The following B3GALT1 variants were observed in gnomAD, a reference collection of about 807,000 sequenced individuals.
The protein encoded by B3GALT1 is beta-1,3-galactosyltransferase 1.
Under a neutral mutation model 23.2 loss-of-function variants are expected in B3GALT1, and 10 were observed. That is an observed-to-expected ratio of 0.43 (90% CI 0.27 to 0.73). The LOEUF (loss-of-function observed/expected upper bound fraction) is 0.73, where lower values mean the gene tolerates loss of function less well. Ranked by LOEUF, B3GALT1 falls within the 30% of genes least tolerant of loss-of-function variation. The probability of loss-of-function intolerance (pLI) is 0.21; values close to 1 mark genes in which losing one functional copy is unlikely to be tolerated. For missense variants in B3GALT1, 299 were observed against 405.4 expected, an observed-to-expected ratio of 0.74 and a Z score of 2.25; for synonymous variants, 156 against 141.5, an observed-to-expected ratio of 1.10 and a Z score of -0.73.
chr2:167,310,858 A>G (rs1283052302), intron 1 of B3GALT1, among the ~76,000 whole-genome samples: 2 of 152,030 alleles, frequency 1.3e-5, no homozygotes, highest in East Asian at 3.9e-4. Flanking sequence ...AGTTGTGTTC[A>G]AGCACTTCTG....
At chr2:167,706,652 T>C (rs1304661297) in intron 3 of B3GALT1, among the ~76,000 whole-genome samples, 1 of 152,164 alleles carries the variant, frequency 6.6e-6, no homozygotes, top group African/African-American at 2.4e-5. Flanking sequence ...TAAAAGTGCA[T>C]GTAGGTGGTA....
At chr2:167,528,157 G>A (rs1332972092) in intron 2 of B3GALT1, among the ~76,000 whole-genome samples, 2 of 152,132 alleles carry the variant, frequency 1.3e-5, no homozygotes, top group Non-Finnish European at 2.9e-5. Context: ...GGCCCAATGA[G>A]ACAGACATGA....
chr2:167,447,966 G>A (rs1021946713), intron 1 of B3GALT1, among the ~76,000 whole-genome samples: 1 of 152,132 alleles, frequency 6.6e-6, no homozygotes, highest in Non-Finnish European at 1.5e-5. Context: ...GACTGGAGCT[G>A]TTCCTATTCG....
At chr2:167,452,251 A>C (rs953135527) in intron 1 of B3GALT1, among the ~76,000 whole-genome samples, 2 of 152,034 alleles carry the variant, frequency 1.3e-5, no homozygotes, top group African/African-American at 4.8e-5. Flanking sequence ...TACAAAGTTC[A>C]GCTGGAAGTT....
intron 3 of B3GALT1, among the ~76,000 whole-genome samples, chr2:167,786,144 G>A (rs753977080): frequency 1.3e-5 from 2 of 152,176 alleles, no homozygotes; most frequent in Non-Finnish European, 2.9e-5. Flanking sequence ...CAAAAGATCT[G>A]TTGACCCTAG....
intron 1 of B3GALT1, among the ~76,000 whole-genome samples, chr2:167,409,261 G>C (rs1698356377): frequency 6.6e-6 from 1 of 152,060 alleles, no homozygotes; most frequent in Non-Finnish European, 1.5e-5. Context: ...TATCTTACTG[G>C]TGTTCTCTAT....
chr2:167,817,717 C>G (rs1167469558), intron 3 of B3GALT1, among the ~76,000 whole-genome samples: 1 of 152,200 alleles, frequency 6.6e-6, no homozygotes, highest in Admixed American at 6.5e-5. Flanking sequence ...GGACCCATCA[C>G]ATTTCAGTCA....
chr2:167,624,076 A>G (rs1685303039), intron 2 of B3GALT1, among the ~76,000 whole-genome samples: 1 of 152,064 alleles, frequency 6.6e-6, no homozygotes, highest in Non-Finnish European at 1.5e-5. Context: ...GTCAAGATTC[A>G]ATGGGCTAAG....
intron 2 of B3GALT1, among the ~76,000 whole-genome samples, chr2:167,628,862 T>C (rs993680573): frequency 4.0e-5 from 6 of 151,804 alleles, no homozygotes; most frequent in East Asian, 3.9e-4. Context: ...TGGTGATATG[T>C]CATATGATAA....
chr2:167,736,020 T>C (rs755971237), intron 3 of B3GALT1, among the ~76,000 whole-genome samples: 1 of 152,200 alleles, frequency 6.6e-6, no homozygotes, highest in Non-Finnish European at 1.5e-5. Context: ...AAGCAAACAA[T>C]ATTGATACCT....
chr2:167,444,326 C>A (rs1698946702), intron 1 of B3GALT1, among the ~76,000 whole-genome samples: 2 of 152,072 alleles, frequency 1.3e-5, no homozygotes, highest in African/African-American at 4.8e-5. Flanking sequence ...GCCTAAAATT[C>A]TCTTTTTTTG....
At chr2:167,546,463 A>G (rs778576810) in intron 2 of B3GALT1, among the ~76,000 whole-genome samples, 10 of 152,132 alleles carry the variant, frequency 6.6e-5, no homozygotes, top group Non-Finnish European at 1.3e-4. Context: ...ATCATATATC[A>G]CATTGTTAGG....
chr2:167,869,188 T>C lies in B3GALT1; in HGVS notation c.149T>C (p.Phe50Ser), dbSNP rs752717358. ...ACAGTTGCCAGGAAAAACTTCACCT[T>C]TGGCAACATAAGAACTCGACCTATC... Reference protein sequence around the residue: ...HLTVARKNFTFGNIRTRPINP... With the variant: ...HLTVARKNFTSGNIRTRPINP... Residue 50 changes from phenylalanine (F) to serine (S), a missense_variant, in exon 5 of 5, where the codon TTT becomes TCT. Phe to Ser is a radical substitution (Grantham distance 155). This residue lies in a region of B3GALT1 where 162 missense variants were observed against 184.1 expected (regional missense o/e 0.88). Coordinates refer to ENST00000392690, the MANE Select transcript of B3GALT1 (RefSeq NM_020981.4). This position sits in a 1 kb window ranked among gnomAD's most constrained non-coding sequence, Gnocchi z 6.4. 9 of 1,614,166 alleles carry C rather than the reference T, an allele frequency of 5.6e-6. No individual in the cohort carries two copies. Among genetic ancestry groups the C allele is most frequent in the South Asian group, 5.5e-5 (5 of 91,078 alleles).
intron 1 of B3GALT1, among the ~76,000 whole-genome samples, chr2:167,471,171 T>C (rs1699414199): frequency 6.6e-6 from 1 of 152,180 alleles, no homozygotes; most frequent in East Asian, 1.9e-4. Context: ...TAAAAAGGCC[T>C]GTGGGAACTC....
chr2:167,623,192 C>A (rs1685289426), intron 2 of B3GALT1, among the ~76,000 whole-genome samples: 1 of 151,964 alleles, frequency 6.6e-6, no homozygotes. Context: ...TTAACTCAAC[C>A]ATTGTGGAAG....
intron 2 of B3GALT1, among the ~76,000 whole-genome samples, chr2:167,572,205 ATTC>A (rs1331948045): frequency 2.0e-5 from 3 of 151,846 alleles, no homozygotes; most frequent in African/African-American, 7.2e-5. Context: ...TTCATGTAGT[ATTC>A]TTTCCTTCTC....
chr2:167,332,399 A>G (rs571321680), intron 1 of B3GALT1, among the ~76,000 whole-genome samples: 4 of 152,370 alleles, frequency 2.6e-5, no homozygotes, highest in South Asian at 2.1e-4. Flanking sequence ...GTAGTTACCT[A>G]TTGCACTAAT....
At position 167,519,227 on chromosome 2, in the gene B3GALT1, C is replaced by G. The variant is rs73024077; in HGVS notation, c.-410+28950C>G. 2.6e-4 allele frequency among the ~76,000 whole-genome samples: 39 copies of G among 152,206 alleles called. 1 individual carries two copies. Among genetic ancestry groups the G allele is most frequent in the African/African-American group, 9.1e-4 (38 of 41,542 alleles). On this transcript the variant is annotated intron_variant, in intron 2 of 4. Transcript: ENST00000392690. Reference sequence around the variant, plus strand: ...TTTAGCTCCATGCCATTGGAAATCACTTGGAATTGGCGGGCATACTGAACA... The same window carrying G: ...TTTAGCTCCATGCCATTGGAAATCAGTTGGAATTGGCGGGCATACTGAACA...
At chr2:167,558,000 C>A (rs1425739734) in intron 2 of B3GALT1, 2 of 152,158 alleles carry the variant, frequency 1.3e-5, no homozygotes, top group Non-Finnish European at 2.9e-5. Context: ...TTTATTGTTT[C>A]CTGCTTCAGA....
Sources: allele counts gnomAD v4.1 joint callset (sites outside exome capture counted in the v4.1 genomes callset), GRCh38; gene constraint gnomAD v4.1.1; regional missense constraint gnomAD v4.1.1; non-coding constraint Gnocchi (gnomAD v3.1); transcripts MANE v1.5; gene names NCBI Gene and HGNC (gene_info 2026-07-23, HGNC 2026-07-21).